The following CDH4 variants were observed in gnomAD, a reference collection of about 807,000 sequenced individuals.
CDH4 encodes the protein cadherin 4, also known as cadherin-4.
Under a neutral mutation model 86.0 loss-of-function variants are expected in CDH4, and 33 were observed. The observed-to-expected ratio is 0.38, with a 90% confidence interval of 0.29 to 0.51. The LOEUF (loss-of-function observed/expected upper bound fraction) is 0.51. Among genes scored for constraint, CDH4 ranks in the 20% least tolerant of loss-of-function variants. The pLI is 0.86. For missense variants in CDH4, 1,114 were observed against 1,307.4 expected (o/e 0.85, Z 2.28); for synonymous variants, 555 against 549.4 (o/e 1.01, Z -0.14).
chr20:61,880,028 G>T (rs1165121045), intron 7 of CDH4, among the ~76,000 whole-genome samples: 2 of 152,170 alleles, frequency 1.3e-5, no homozygotes, highest in East Asian at 3.8e-4. Flanking sequence ...AAGACCCTCT[G>T]CCCGCCCGGT....
intron 11 of CDH4, among the ~76,000 whole-genome samples, chr20:61,925,193 G>A (rs1353593605): frequency 1.3e-5 from 2 of 152,184 alleles, no homozygotes; most frequent in Non-Finnish European, 2.9e-5. Context: ...GAGAGCACGT[G>A]GGGCTTTCTG....
chr20:61,514,454 TGTG>T (rs1051533792), intron 2 of CDH4, among the ~76,000 whole-genome samples: 10 of 152,162 alleles, frequency 6.6e-5, no homozygotes, highest in Admixed American at 1.3e-4. Flanking sequence ...ACGAACATCT[TGTG>T]GTTCTAACTT....
chr20:61,818,963 G>C (rs543058141), intron 4 of CDH4, among the ~76,000 whole-genome samples: 194 of 152,358 alleles, frequency 1.3e-3, no homozygotes, highest in African/African-American at 4.5e-3. Context: ...GCCTGCAGGG[G>C]CTGCTTAGGG....
At position 61,252,614 on chromosome 20, in the gene CDH4, A is replaced by G. The variant is rs572353298; in HGVS notation, c.57+44A>G. 7.2e-4 allele frequency: 830 copies of G among 1,154,502 alleles called. 20 individuals carry two copies. In the East Asian group the frequency reaches 0.029, roughly 40 times the overall value. The allele number at this position is 1,154,502 out of a possible 1,614,324, so 71.5% of individuals were successfully genotyped here. On this transcript the variant is annotated intron_variant, in intron 1 of 15. Coordinates refer to ENST00000614565, the MANE Select transcript of CDH4 (RefSeq NM_001794.5). This position sits in a 1 kb window ranked among gnomAD's most constrained non-coding sequence, Gnocchi z 4.4. ...CCCCCGCCGTTCGGAAGCCCCGGGC[A>G]GCGGGAGGTCGTCCCCGGATCCCGC...
chr20:61,474,789 C>T (rs1237019124), intron 2 of CDH4, among the ~76,000 whole-genome samples: 1 of 152,086 alleles, frequency 6.6e-6, no homozygotes, highest in African/African-American at 2.4e-5. Context: ...TTAAGGAAAT[C>T]CCTGCTGTGG....
Position 61,940,062 on chromosome 20 carries a change from G to A in CDH4, c.*3119G>A, listed in dbSNP as rs1006948308. 6.6e-6 allele frequency: 1 copy of A among 152,228 alleles called. No homozygotes were observed. Among genetic ancestry groups the A allele is most frequent in the African/African-American group, 2.4e-5 (1 of 41,450 alleles). The allele number at this position is 152,228 out of a possible 1,614,324, so 9.4% of individuals were successfully genotyped here. ...AAAGCAAAAAGCTGGGCGAGGGGTA[G>A]TCTCAATTTCTGTCAGTGCTCAAAG... On this transcript the variant is annotated 3_prime_UTR_variant, in exon 16 of 16. Transcript: ENST00000614565.
Position 61,538,307 on chromosome 20 carries a change from AC to A in CDH4, c.170-205254del, listed in dbSNP as rs992973774. Among the ~76,000 whole-genome samples, 31 of 152,244 alleles carry A rather than the reference AC, an allele frequency of 2.0e-4. 3 individuals carry two copies. The highest frequency in any genetic ancestry group is 2.0e-3 in the Admixed American group (30 of 15,292). On this transcript the variant is annotated intron_variant, in intron 2 of 15. Coordinates refer to ENST00000614565, the MANE Select transcript of CDH4 (RefSeq NM_001794.5). ...GTGCCCGTCACTCTGGGAGAAGGAC[AC>A]CTGCCATCTCCCCTCCCCAGGGGCT...
intron 2 of CDH4, among the ~76,000 whole-genome samples, chr20:61,552,202 CAG>C (rs1469464181): frequency 6.6e-6 from 1 of 152,128 alleles, no homozygotes; most frequent in Non-Finnish European, 1.5e-5. Flanking sequence ...CATAGCATGA[CAG>C]AAAATATTTG....
At chr20:61,406,125 G>A (rs948142944) in intron 2 of CDH4, among the ~76,000 whole-genome samples, 1 of 152,334 alleles carries the variant, frequency 6.6e-6, no homozygotes, top group South Asian at 2.1e-4. Context: ...TGGCTTGCAA[G>A]GTTACAATCT....
intron 2 of CDH4, among the ~76,000 whole-genome samples, chr20:61,272,785 G>A (rs575055026): frequency 6.6e-6 from 1 of 151,426 alleles, no homozygotes; most frequent in Non-Finnish European, 1.5e-5. Flanking sequence ...AGTACTGTGT[G>A]CAGTTTTGGG....
At chr20:61,259,613 A>T (rs2084118333) in intron 2 of CDH4, among the ~76,000 whole-genome samples, 1 of 152,260 alleles carries the variant, frequency 6.6e-6, no homozygotes, top group East Asian at 1.9e-4. Flanking sequence ...ATGATAAGCC[A>T]ACCACATATG....
rs1456894807 is a variant in CDH4 at position 61,937,544 on chromosome 20, G to A, written c.*601G>A. ...CAGCTGGGGGTCTCTTGAGCCTCTT[G>A]GGAGTCAAGGCCAGCTGGGAGGCTT... On this transcript the variant is annotated 3_prime_UTR_variant, in exon 16 of 16. Coordinates refer to ENST00000614565, the MANE Select transcript of CDH4 (RefSeq NM_001794.5). 6.6e-6 allele frequency: 1 copy of A among 152,180 alleles called. No individual in the cohort carries two copies. The highest frequency in any genetic ancestry group is 1.5e-5 in the Non-Finnish European group (1 of 68,038). 9.4% of individuals were successfully genotyped at this position (152,180 alleles called of 1,614,324 possible). A position where few individuals can be genotyped will look rare whatever the true frequency, so the allele number is the denominator to read the frequency against.
chr20:61,919,777 C>T (rs1001933044), intron 9 of CDH4, among the ~76,000 whole-genome samples: 3 of 150,980 alleles, frequency 2.0e-5, no homozygotes, highest in East Asian at 2.0e-4. Flanking sequence ...CGTGGTGTCG[C>T]GGTGATTGCA....
intron 2 of CDH4, among the ~76,000 whole-genome samples, chr20:61,645,629 CAAA>C (rs11373021): frequency 5.6e-4 from 80 of 142,148 alleles, no homozygotes; most frequent in Middle Eastern, 3.8e-3. Context: ...GACCCTGTCT[CAAA>C]AAAAAAAAAA....
At position 61,844,826 on chromosome 20, in the gene CDH4, G is replaced by A. The variant is rs1982362024; in HGVS notation, c.732+3G>A. The A allele has an allele frequency of 1.2e-6, 2 of 1,610,318 alleles. No homozygotes were observed. The highest frequency in any genetic ancestry group is 8.5e-7 in the Non-Finnish European group (1 of 1,177,770). ...GGGAGGAGCACGCCTCTTACCACGT[G>A]AGTGTCCACACCCGGCTGAGAATGG... On this transcript the variant is annotated splice_donor_region_variant and intron_variant, in intron 5 of 15. Transcript: ENST00000614565.
At chr20:61,761,441 A>C (rs535042875) in intron 3 of CDH4, among the ~76,000 whole-genome samples, 1 of 152,068 alleles carries the variant, frequency 6.6e-6, no homozygotes, top group Non-Finnish European at 1.5e-5. Context: ...TCCACGGCAG[A>C]CTCCTATGCA....
intron 6 of CDH4, among the ~76,000 whole-genome samples, chr20:61,864,292 C>A (rs1413812894): frequency 2.0e-5 from 3 of 152,184 alleles, no homozygotes; most frequent in Non-Finnish European, 4.4e-5. Context: ...AGTTCTGTTG[C>A]TTCAAGCTCC....
At chr20:61,460,162 G>A (rs1444971366) in intron 2 of CDH4, among the ~76,000 whole-genome samples, 2 of 152,324 alleles carry the variant, frequency 1.3e-5, no homozygotes, top group Admixed American at 6.5e-5. Flanking sequence ...GCTGTTAACA[G>A]GGAGCGCTTT....
At chr20:61,660,897 G>A (rs1390199299) in intron 2 of CDH4, among the ~76,000 whole-genome samples, 1 of 152,066 alleles carries the variant, frequency 6.6e-6, no homozygotes, top group African/African-American at 2.4e-5. Flanking sequence ...CAGCCTTACC[G>A]GGACTCATGG....
Sources: allele counts gnomAD v4.1 joint callset (sites outside exome capture counted in the v4.1 genomes callset), GRCh38; gene constraint gnomAD v4.1.1; non-coding constraint Gnocchi (gnomAD v3.1); transcripts MANE v1.5; gene names NCBI Gene and HGNC (gene_info 2026-07-23, HGNC 2026-07-21).